Variants in HDDC2 observed in about 807,000 individuals in gnomAD.
HDDC2 encodes 5'-deoxynucleotidase HDDC2.
A neutral mutation model predicts 25.5 loss-of-function variants in HDDC2; 25 were observed. That is an observed-to-expected ratio of 0.98 (90% CI 0.72 to 1.37). HDDC2 has a LOEUF of 1.37. Ranked by LOEUF, HDDC2 falls within the 40% of genes most tolerant of loss-of-function variation. The probability of loss-of-function intolerance (pLI) is 0.00; values close to 1 mark genes in which losing one functional copy is unlikely to be tolerated. For synonymous variants in HDDC2, 106 were observed against 89.7 expected, an observed-to-expected ratio of 1.18 and a Z score of -1.03; for missense variants, 264 against 253.1, an observed-to-expected ratio of 1.04 and a Z score of -0.29.
At chr6:125,288,059 G>T (rs1231654006) in intron 4 of HDDC2, among the ~76,000 whole-genome samples, 3 of 152,230 alleles carry the variant, frequency 2.0e-5, no homozygotes, top group Non-Finnish European at 2.9e-5. Context: ...GTGCTGAAGA[G>T]AAGTAGGGAA....
intron 4 of HDDC2, among the ~76,000 whole-genome samples, chr6:125,280,999 A>G (rs1342495452): frequency 6.6e-6 from 1 of 152,242 alleles, no homozygotes; most frequent in Non-Finnish European, 1.5e-5. Context: ...CGAAGCTTCT[A>G]GAGGAAGGAA....
Position 125,276,124 on chromosome 6 carries a change from G to A in HDDC2, c.*22C>T, listed in dbSNP as rs1364841460. ...TGGAAAAATAATGTTTGTTACAGGA[G>A]TGCAGCAATTTAGAGAGTGTCTCAG... On this transcript the variant is annotated 3_prime_UTR_variant, in exon 6 of 6. Transcript: ENST00000398153. 4 of 1,500,630 alleles carry A rather than the reference G, an allele frequency of 2.7e-6. No homozygotes were observed. Among genetic ancestry groups the A allele is most frequent in the Non-Finnish European group, 3.7e-6 (4 of 1,076,486 alleles). 93.0% of individuals were successfully genotyped at this position (1,500,630 alleles called of 1,614,324 possible).
chr6:125,301,738 G>T, intron 1 of HDDC2, 111 bp downstream of exon 1: 1 of 729,098 alleles, frequency 1.4e-6, no homozygotes. Flanking sequence ...CGGCGTGGCG[G>T]ACGCGGCGCA....
At chr6:125,301,315 G>T (rs994555231) in intron 1 of HDDC2, among the ~76,000 whole-genome samples, 5 of 152,098 alleles carry the variant, frequency 3.3e-5, no homozygotes, top group East Asian at 1.9e-4. Context: ...ATCCCGTTTG[G>T]GGGGTGGCCG....
At chr6:125,294,846 T>A (rs1798684605) in intron 3 of HDDC2, among the ~76,000 whole-genome samples, 1 of 152,224 alleles carries the variant, frequency 6.6e-6, no homozygotes, top group African/African-American at 2.4e-5. Flanking sequence ...TTTTTGGTGA[T>A]CACATCCAAT....
chr6:125,300,050 T>C (rs2115119414), intron 2 of HDDC2, among the ~76,000 whole-genome samples: 1 of 152,356 alleles, frequency 6.6e-6, no homozygotes, highest in East Asian at 1.9e-4. Flanking sequence ...CACTTGGGAT[T>C]TATTTACTCT....
At chr6:125,291,727 G>A (rs55711168) in intron 4 of HDDC2, among the ~76,000 whole-genome samples, 2,697 of 152,292 alleles carry the variant, frequency 0.018, 92 homozygotes, top group African/African-American at 0.062. Flanking sequence ...ACATGGGTGT[G>A]TAAATAGGAG....
At position 125,300,610 on chromosome 6, in the gene HDDC2, C is replaced by G. The variant is rs748982604; in HGVS notation, c.134G>C (p.Ser45Thr). The G allele has an allele frequency of 1.2e-6, 2 of 1,614,192 alleles. No homozygotes were observed. The highest frequency in any genetic ancestry group is 3.3e-5 in the Admixed American group (2 of 60,026). The change falls in exon 2 of 6, where the codon AGC (serine) becomes ACC (threonine). Residue 45 changes from serine to threonine, a missense_variant. Coordinates refer to ENST00000398153, the MANE Select transcript of HDDC2 (RefSeq NM_016063.3). ...WVYRNVQRPE[S>T]VSDHMYRMAV... ...CATCCGGTACATGTGATCTGAAACG[C>G]TCTCCGGCCTCTGGACATTTCTGTA... is the stretch of plus-strand genomic sequence containing the variant.
chr6:125,282,976 T>C (rs536355746), intron 4 of HDDC2, among the ~76,000 whole-genome samples: 49 of 152,348 alleles, frequency 3.2e-4, no homozygotes, highest in African/African-American at 1.2e-3. Context: ...ATCCTAAATA[T>C]AGGCTTCATC....
intron 4 of HDDC2, chr6:125,279,247 C>A (rs1215950016): frequency 3.3e-5 from 5 of 152,194 alleles, no homozygotes; most frequent in Non-Finnish European, 7.3e-5. Flanking sequence ...GAGCTTACAT[C>A]AAAGACAGCC....
In HDDC2 at chr6:125,277,209, T is replaced by C. The variant is rs1798383010; in HGVS notation, c.410A>G (p.Lys137Arg). 1 of 1,613,992 alleles carries C rather than the reference T, an allele frequency of 6.2e-7. No individual in the cohort carries two copies. The highest frequency in any genetic ancestry group is 1.7e-5 in the Admixed American group (1 of 60,008). The change falls in exon 5 of 6, where the codon AAA becomes AGA. Residue 137 changes from lysine to arginine, a missense_variant. Transcript: ENST00000398153. ...ACATTGGTCTAGCTGCTTCACAAAT[T>C]TGGCTTCTGCACTAGATTGGGTCTC... The part of the protein sequence containing the change: ...EYETQSSAEA[K>R]FVKQLDQCEM...
In HDDC2 at chr6:125,292,922, A is replaced by G; in HGVS notation, c.310-13T>C. The G allele has an allele frequency of 1.3e-6, 2 of 1,589,448 alleles. No individual in the cohort carries two copies. The highest frequency in any genetic ancestry group is 1.7e-6 in the Non-Finnish European group (2 of 1,157,830). On this transcript the variant is annotated splice_polypyrimidine_tract_variant and intron_variant, in intron 3 of 5. Coordinates refer to ENST00000398153, the MANE Select transcript of HDDC2 (RefSeq NM_016063.3). ...GCTTCATAGCTTCCTGAAATATTAA[A>G]CCATTATCTTTAATTATATTGACAT...
At chr6:125,285,591 A>T (rs1798522413) in intron 4 of HDDC2, among the ~76,000 whole-genome samples, 1 of 152,112 alleles carries the variant, frequency 6.6e-6, no homozygotes, top group Admixed American at 6.5e-5. Context: ...AGAGTCCCAG[A>T]AAAAAGAATA....
intron 4 of HDDC2, among the ~76,000 whole-genome samples, chr6:125,286,008 A>ATCTG (rs1798528803): frequency 6.6e-6 from 1 of 152,340 alleles, no homozygotes; most frequent in South Asian, 2.1e-4. Flanking sequence ...TTTTGATATA[A>ATCTG]ATAATCTGAT....
At chr6:125,300,352 CA>C (rs1798776394) in intron 2 of HDDC2, 185 bp downstream of exon 2, 1 of 645,320 alleles carries the variant, frequency 1.5e-6, no homozygotes, top group Non-Finnish European at 2.5e-6. Context: ...ACAGAAACCC[CA>C]GATTGCAGTT....
intron 4 of HDDC2, among the ~76,000 whole-genome samples, chr6:125,281,726 G>A (rs916015390): frequency 5.9e-5 from 9 of 152,102 alleles, no homozygotes; most frequent in African/African-American, 1.9e-4. Flanking sequence ...ATGTTTGACT[G>A]GCGTACCAAA....
At chr6:125,297,023 C>T (rs1206835543) in intron 3 of HDDC2, among the ~76,000 whole-genome samples, 1 of 152,166 alleles carries the variant, frequency 6.6e-6, no homozygotes, top group Non-Finnish European at 1.5e-5. Context: ...TTTTCCTTGC[C>T]TTCTCTTCAC....
At chr6:125,301,771 G>A (rs1163871846) in intron 1 of HDDC2, 78 bp downstream of exon 1, 28 of 1,085,210 alleles carry the variant, frequency 2.6e-5, no homozygotes, top group Non-Finnish European at 3.5e-5. Flanking sequence ...ACCGCCGGCC[G>A]AGCGGGGAGG....
chr6:125,286,642 C>T (rs1447038214), intron 4 of HDDC2, among the ~76,000 whole-genome samples: 1 of 152,146 alleles, frequency 6.6e-6, no homozygotes, highest in African/African-American at 2.4e-5. Context: ...TGTGCAATGA[C>T]CATCCATAAT....
Sources: gnomAD v4.1 joint callset for allele counts (sites outside exome capture counted in the v4.1 genomes callset) on GRCh38, gnomAD v4.1.1 for gene constraint, MANE v1.5 for transcripts, NCBI Gene and HGNC (gene_info 2026-07-23, HGNC 2026-07-21) for gene names.